GOT1: variants seen among roughly 807,000 people sequenced by gnomAD.
The protein encoded by GOT1 is glutamic-oxaloacetic transaminase 1, also known as aspartate aminotransferase, cytoplasmic.
In GOT1, 25 loss-of-function variants were observed where a neutral mutation model predicts 48.2. The ratio of observed to expected loss-of-function variants is 0.52; its 90% CI spans 0.38 to 0.72. The LOEUF is 0.72. GOT1 is among the 30% of genes least tolerant of loss of function. GOT1 has a pLI of 0.00. For missense variants in GOT1, 380 were observed against 520.1 expected (o/e 0.73, Z 2.62); for synonymous variants, 188 against 193.8 (o/e 0.97, Z 0.25).
intron 2 of GOT1, among the ~76,000 whole-genome samples, chr10:99,413,016 T>C (rs1250207874): frequency 6.6e-6 from 1 of 152,004 alleles, no homozygotes; most frequent in African/African-American, 2.4e-5. Flanking sequence ...AACTGAAAAT[T>C]CTAAAAATCA....
intron 2 of GOT1, among the ~76,000 whole-genome samples, chr10:99,413,832 G>A (rs952229912): frequency 1.3e-5 from 2 of 152,096 alleles, no homozygotes; most frequent in African/African-American, 4.8e-5. Context: ...TTCATATCCA[G>A]CCAAACTAAG....
chr10:99,419,416 T>C (rs2032938832), intron 2 of GOT1, among the ~76,000 whole-genome samples: 1 of 152,214 alleles, frequency 6.6e-6, no homozygotes, highest in Non-Finnish European at 1.5e-5. Flanking sequence ...GCTGCCAGAA[T>C]CAGCCTGCCT....
chr10:99,429,725 G>C (rs998302950), intron 1 of GOT1, among the ~76,000 whole-genome samples: 1 of 152,168 alleles, frequency 6.6e-6, no homozygotes, highest in African/African-American at 2.4e-5. Flanking sequence ...GCTCTGAGCT[G>C]TCCAAGGTAC....
At chr10:99,429,242 G>A (rs2033081657) in intron 1 of GOT1, among the ~76,000 whole-genome samples, 1 of 151,878 alleles carries the variant, frequency 6.6e-6, no homozygotes, top group Non-Finnish European at 1.5e-5. Context: ...GTAGAGATGG[G>A]GTTTCACCGT....
intron 2 of GOT1, among the ~76,000 whole-genome samples, chr10:99,408,078 T>C (rs1300545820): frequency 6.6e-6 from 1 of 152,196 alleles, no homozygotes; most frequent in Non-Finnish European, 1.5e-5. Flanking sequence ...TTTCTATTCC[T>C]ATATTTTATC....
At chr10:99,400,115 G>A (rs1398739461) in intron 8 of GOT1, among the ~76,000 whole-genome samples, 2 of 152,034 alleles carry the variant, frequency 1.3e-5, no homozygotes, top group Non-Finnish European at 2.9e-5. Context: ...TGAAAAGCTA[G>A]TAAAAGTTAT....
intron 8 of GOT1, 42 bp downstream of exon 8, chr10:99,402,538 T>C (rs760883205): frequency 1.9e-5 from 30 of 1,608,246 alleles, no homozygotes; most frequent in Admixed American, 3.3e-5. Context: ...ATGTTGTGTG[T>C]CTACATGCAC....
At chr10:99,419,253 C>T (rs898851704) in intron 2 of GOT1, among the ~76,000 whole-genome samples, 1 of 152,196 alleles carries the variant, frequency 6.6e-6, no homozygotes, top group Non-Finnish European at 1.5e-5. Flanking sequence ...ATGATAATGG[C>T]CACTGGTTTA....
intron 5 of GOT1, among the ~76,000 whole-genome samples, chr10:99,404,176 C>A (rs2032723623): frequency 6.6e-6 from 1 of 152,180 alleles, no homozygotes; most frequent in African/African-American, 2.4e-5. Context: ...GGATTTTCCT[C>A]TGTGAATTTC....
At chr10:99,412,536 C>G (rs1015223172) in intron 2 of GOT1, among the ~76,000 whole-genome samples, 6 of 151,688 alleles carry the variant, frequency 4.0e-5, no homozygotes, top group African/African-American at 1.2e-4. Flanking sequence ...AGAGCTCGAA[C>G]AAAAGGCAGC....
intron 2 of GOT1, among the ~76,000 whole-genome samples, chr10:99,410,375 C>T (rs941390107): frequency 1.2e-4 from 18 of 152,160 alleles, no homozygotes; most frequent in African/African-American, 3.9e-4. Flanking sequence ...TCTGGAAACA[C>T]GATAGATGCA....
chr10:99,397,533 C>A lies in GOT1; in HGVS notation c.*14G>T. On this transcript the variant is annotated 3_prime_UTR_variant, in exon 9 of 9. Coordinates refer to ENST00000370508, the MANE Select transcript of GOT1 (RefSeq NM_002079.3). This position sits in a 1 kb window ranked among gnomAD's most constrained non-coding sequence, Gnocchi z 5.4. ...AGAGAACTACTTTGGTGGTACTGGA[C>A]GGGTGGTGTTTCTTCACTGGATTTT... 1 of 1,613,048 alleles carries A rather than the reference C, an allele frequency of 6.2e-7. No homozygotes were observed. The highest frequency in any genetic ancestry group is 1.1e-5 in the South Asian group (1 of 91,036).
At chr10:99,408,612 G>A (rs1199849890) in intron 2 of GOT1, among the ~76,000 whole-genome samples, 2 of 152,130 alleles carry the variant, frequency 1.3e-5, no homozygotes, top group Admixed American at 6.5e-5. Flanking sequence ...TCAGCTACTC[G>A]GGAGGCTGAG....
At position 99,406,823 on chromosome 10, in the gene GOT1, T is replaced by G; in HGVS notation, c.327A>C (p.Gly109=). 1 of 1,613,536 alleles carries G rather than the reference T, an allele frequency of 6.2e-7. No homozygotes were observed. Among genetic ancestry groups the G allele is most frequent in the Non-Finnish European group, 8.5e-7 (1 of 1,179,708 alleles). ...KRVGGVQSLG[G]TGALRIGADF... is the part of the protein sequence containing the mutation. ...CAGCTCCAATTCGAAGTGCACCTGT[T>G]CCCCCCAAAGATTGCACACCTCCTA... The change falls in exon 3 of 9, where the codon GGA becomes GGC. Residue 109 remains glycine, a synonymous_variant. Coordinates refer to ENST00000370508, the MANE Select transcript of GOT1 (RefSeq NM_002079.3).
At chr10:99,417,283 A>G (rs2032908540) in intron 2 of GOT1, among the ~76,000 whole-genome samples, 1 of 152,230 alleles carries the variant, frequency 6.6e-6, no homozygotes, top group Admixed American at 6.5e-5. Flanking sequence ...ATGAACAGAC[A>G]CTTCTCAAAA....
At chr10:99,423,340 T>C (rs138132149) in intron 1 of GOT1, among the ~76,000 whole-genome samples, 1,706 of 152,350 alleles carry the variant, frequency 0.011, 38 homozygotes, top group African/African-American at 0.039. Flanking sequence ...ATAAACATTG[T>C]GATAAATGTT....
At chr10:99,418,441 C>T (rs7921465) in intron 2 of GOT1, among the ~76,000 whole-genome samples, 10,470 of 149,922 alleles carry the variant, frequency 0.07, 1,143 homozygotes, top group African/African-American at 0.23. Flanking sequence ...AGAATTCCAA[C>T]TAATTTATTT....
intron 4 of GOT1, 133 bp from the exon 5 acceptor site, chr10:99,405,993 CCT>C: frequency 1.2e-6 from 1 of 800,978 alleles, no homozygotes; most frequent in Non-Finnish European, 2.2e-6. Flanking sequence ...TCTTTTGTGC[CCT>C]CTCTCTTACA....
intron 5 of GOT1, among the ~76,000 whole-genome samples, chr10:99,404,230 G>A (rs989295080): frequency 2.0e-5 from 3 of 152,000 alleles, no homozygotes; most frequent in Admixed American, 2.0e-4. Context: ...TATCCCCAGG[G>A]CTCCTCATGG....
Sources: allele counts gnomAD v4.1 joint callset (sites outside exome capture counted in the v4.1 genomes callset), GRCh38; gene constraint gnomAD v4.1.1; non-coding constraint Gnocchi (gnomAD v3.1); transcripts MANE v1.5; gene names NCBI Gene and HGNC (gene_info 2026-07-23, HGNC 2026-07-21).